The following TESK2 variants were observed in gnomAD, a reference collection of about 807,000 sequenced individuals.
The protein encoded by TESK2 is testis associated actin remodelling kinase 2, also known as dual specificity testis-specific protein kinase 2.
In TESK2, 39 loss-of-function variants were observed where a neutral mutation model predicts 57.1. The observed-to-expected ratio is 0.68, with a 90% confidence interval of 0.53 to 0.89. The LOEUF is 0.89. Ranked by LOEUF, TESK2 falls within the 40% of genes least tolerant of loss-of-function variation. The pLI, the probability that TESK2 is intolerant of heterozygous loss-of-function variation, is 0.00. For missense variants in TESK2, 646 were observed against 732.1 expected (o/e 0.88, Z 1.36); for synonymous variants, 249 against 267.9 (o/e 0.93, Z 0.69).
chr1:45,473,540 CAG>C (rs1652856618), intron 1 of TESK2, among the ~76,000 whole-genome samples: 1 of 152,158 alleles, frequency 6.6e-6, no homozygotes, highest in Non-Finnish European at 1.5e-5. Context: ...CTACAGAAGG[CAG>C]AGTCAGCCTG....
At chr1:45,432,326 C>T (rs1650999454) in intron 2 of TESK2, among the ~76,000 whole-genome samples, 2 of 151,966 alleles carry the variant, frequency 1.3e-5, no homozygotes, top group Admixed American at 6.6e-5. Flanking sequence ...TGAGCCACTA[C>T]ACTAGGCCGA....
At chr1:45,426,061 G>C (rs1650676615) in intron 2 of TESK2, among the ~76,000 whole-genome samples, 1 of 152,024 alleles carries the variant, frequency 6.6e-6, no homozygotes, top group Non-Finnish European at 1.5e-5. Context: ...CTGAGCAGGA[G>C]AATGGCTTGA....
At position 45,490,918 on chromosome 1, in the gene TESK2, G is replaced by A. The variant is rs1412883438; in HGVS notation, c.-153C>T. 1.3e-5 allele frequency: 2 copies of A among 152,796 alleles called. No individual in the cohort carries two copies. The highest frequency in any genetic ancestry group is 2.9e-5 in the Non-Finnish European group (2 of 68,528). The allele number at this position is 152,796 out of a possible 1,614,324, so 9.5% of individuals were successfully genotyped here. A position where few individuals can be genotyped will look rare whatever the true frequency, so the allele number is the denominator to read the frequency against. On this transcript the variant is annotated 5_prime_UTR_variant, in exon 1 of 11. Coordinates refer to ENST00000372086, the MANE Select transcript of TESK2 (RefSeq NM_007170.3). ...AAGAGGAGGAGACGGCGGCAAAGAGGGAGCATAGTAACCCTCACAGCTCGT... is the reference window on the plus strand; with the variant it reads ...AAGAGGAGGAGACGGCGGCAAAGAGAGAGCATAGTAACCCTCACAGCTCGT...
intron 4 of TESK2, among the ~76,000 whole-genome samples, chr1:45,359,900 T>G (rs1022427814): frequency 1.3e-5 from 2 of 151,946 alleles, no homozygotes; most frequent in Admixed American, 1.3e-4. Flanking sequence ...GTGAAAGCGC[T>G]TCGAAAAAAA....
chr1:45,346,861 G>T, intron 8 of TESK2, 82 bp from the exon 9 acceptor site: 1 of 1,531,008 alleles, frequency 6.5e-7, no homozygotes, highest in South Asian at 1.1e-5. Flanking sequence ...AAGTGGTTGG[G>T]AGCTGCCCCT....
intron 4 of TESK2, among the ~76,000 whole-genome samples, chr1:45,372,905 G>A (rs1648255012): frequency 2.6e-5 from 4 of 151,494 alleles, no homozygotes; most frequent in Admixed American, 2.0e-4. Flanking sequence ...GTGCATGCCT[G>A]TAATCCCAGC....
At chr1:45,365,677 C>CTTTTTT (rs34671575) in intron 4 of TESK2, among the ~76,000 whole-genome samples, 1 of 106,806 alleles carries the variant, frequency 9.4e-6, no homozygotes, top group Non-Finnish European at 1.8e-5. Flanking sequence ...CCACGCCCGG[C>CTTTTTT]TTTTTTTTTT....
At chr1:45,488,233 G>A (rs1425924492) in intron 1 of TESK2, among the ~76,000 whole-genome samples, 1 of 151,910 alleles carries the variant, frequency 6.6e-6, no homozygotes, top group Non-Finnish European at 1.5e-5. Context: ...AATTTTTTTT[G>A]TTAAATCTTT....
chr1:45,461,555 G>A (rs985233461), intron 1 of TESK2, among the ~76,000 whole-genome samples: 12 of 152,116 alleles, frequency 7.9e-5, no homozygotes, highest in African/African-American at 2.9e-4. Flanking sequence ...CACTATGAGA[G>A]CTGTAGAAAG....
intron 1 of TESK2, among the ~76,000 whole-genome samples, chr1:45,462,898 A>AT (rs1652392562): frequency 6.6e-6 from 1 of 152,142 alleles, no homozygotes; most frequent in Non-Finnish European, 1.5e-5. Flanking sequence ...CTTGGTTAGC[A>AT]TTATTTGCCC....
At chr1:45,487,394 A>G (rs949025844) in intron 1 of TESK2, among the ~76,000 whole-genome samples, 2 of 152,104 alleles carry the variant, frequency 1.3e-5, no homozygotes, top group East Asian at 1.9e-4. Flanking sequence ...AGGACTTACT[A>G]TCTCCTCTGC....
intron 5 of TESK2, among the ~76,000 whole-genome samples, chr1:45,350,498 T>C (rs1463968460): frequency 6.6e-6 from 1 of 152,174 alleles, no homozygotes; most frequent in Non-Finnish European, 1.5e-5. Flanking sequence ...CTAAACCCAG[T>C]TAGGATCAGG....
At chr1:45,405,425 A>G (rs1203575628) in intron 3 of TESK2, among the ~76,000 whole-genome samples, 1 of 152,076 alleles carries the variant, frequency 6.6e-6, no homozygotes, top group Non-Finnish European at 1.5e-5. Context: ...ATTGACAAAC[A>G]AAAAACCTAA....
intron 5 of TESK2, among the ~76,000 whole-genome samples, chr1:45,349,293 G>C (rs1217296157): frequency 6.6e-6 from 1 of 152,064 alleles, no homozygotes; most frequent in African/African-American, 2.4e-5. Context: ...TTCTACCCTG[G>C]ATCACAGGTA....
At chr1:45,354,657 T>C (rs1647330516) in intron 5 of TESK2, among the ~76,000 whole-genome samples, 1 of 149,824 alleles carries the variant, frequency 6.7e-6, no homozygotes, top group Non-Finnish European at 1.5e-5. Context: ...GGCATGGTGG[T>C]GTACGCCTGT....
At chr1:45,457,324 A>G (rs1163304637) in intron 2 of TESK2, among the ~76,000 whole-genome samples, 15 of 152,134 alleles carry the variant, frequency 9.9e-5, no homozygotes, top group Non-Finnish European at 2.2e-4. Context: ...CTGGGGGTAG[A>G]GGTGAGGTGG....
intron 1 of TESK2, among the ~76,000 whole-genome samples, chr1:45,466,631 C>T (rs2149302895): frequency 6.6e-6 from 1 of 150,816 alleles, no homozygotes; most frequent in Admixed American, 6.6e-5. Flanking sequence ...GTCTGGGCAA[C>T]AGAGCAAGAC....
chr1:45,422,862 C>T (rs771227817), intron 2 of TESK2, among the ~76,000 whole-genome samples: 38 of 149,740 alleles, frequency 2.5e-4, no homozygotes, highest in Non-Finnish European at 4.5e-4. Flanking sequence ...CTCCACCTTC[C>T]GGGTTCAAGC....
chr1:45,351,134 G>A (rs2149263776), intron 5 of TESK2, among the ~76,000 whole-genome samples: 1 of 152,342 alleles, frequency 6.6e-6, no homozygotes, highest in Non-Finnish European at 1.5e-5. Flanking sequence ...AGATCAGTTG[G>A]GCAGTAATGG....
Sources: allele counts gnomAD v4.1 joint callset (sites outside exome capture counted in the v4.1 genomes callset), GRCh38; gene constraint gnomAD v4.1.1; transcripts MANE v1.5; gene names NCBI Gene and HGNC (gene_info 2026-07-23, HGNC 2026-07-21).